The following LRP1B variants were observed in gnomAD, a reference collection of about 807,000 sequenced individuals.
LRP1B encodes low-density lipoprotein receptor-related protein 1B.
A neutral mutation model predicts 556.6 loss-of-function variants in LRP1B; 217 were observed. That is an observed-to-expected ratio of 0.39 (90% confidence interval 0.35 to 0.44). LRP1B has a LOEUF of 0.44. Ranked by LOEUF, LRP1B falls within the 20% of genes least tolerant of loss-of-function variation. The pLI is 1.00. For missense variants in LRP1B, 5,053 were observed against 5,620.8 expected, an observed-to-expected ratio of 0.90 and a Z score of 3.23; for synonymous variants, 2,047 against 1,865.8, an observed-to-expected ratio of 1.10 and a Z score of -2.50.
intron 3 of LRP1B, among the ~76,000 whole-genome samples, chr2:141,473,338 G>T (rs1254002131): frequency 6.6e-6 from 1 of 152,138 alleles, no homozygotes. Context: ...CTAATTTCAT[G>T]TAGGTGTCAT....
intron 80 of LRP1B, among the ~76,000 whole-genome samples, chr2:140,325,273 A>G (rs1465147290): frequency 6.6e-6 from 1 of 152,114 alleles, no homozygotes; most frequent in African/African-American, 2.4e-5. Context: ...GAGGAGCACA[A>G]GTAGATTAAG....
chr2:141,145,393 T>A (rs1051169337), intron 7 of LRP1B, among the ~76,000 whole-genome samples: 1 of 126,020 alleles, frequency 7.9e-6, no homozygotes, highest in African/African-American at 3.7e-5. Context: ...TATATTTCAT[T>A]CGTATAGATT....
chr2:140,727,046 G>A (rs2105488094), intron 35 of LRP1B, among the ~76,000 whole-genome samples: 1 of 151,944 alleles, frequency 6.6e-6, no homozygotes, highest in East Asian at 1.9e-4. Context: ...TTAAAATCTT[G>A]GCTGCTACAT....
chr2:141,270,457 G>A (rs1199447651), intron 3 of LRP1B, among the ~76,000 whole-genome samples: 1 of 151,918 alleles, frequency 6.6e-6, no homozygotes, highest in African/African-American at 2.4e-5. Flanking sequence ...TTCAAACTAT[G>A]GTCTCAAAGA....
chr2:140,685,186 G>A (rs917842819), intron 41 of LRP1B, among the ~76,000 whole-genome samples: 1 of 152,114 alleles, frequency 6.6e-6, no homozygotes, highest in African/African-American at 2.4e-5. Context: ...AAGAAAGCAA[G>A]TACACCTGTT....
chr2:140,877,054 TTTTTTCC>T (rs1324290887), intron 25 of LRP1B, among the ~76,000 whole-genome samples: 5 of 152,166 alleles, frequency 3.3e-5, no homozygotes, highest in African/African-American at 4.8e-5. Flanking sequence ...TGCTTTCATT[TTTTTTCC>T]TTTTTCCTTT....
At chr2:140,257,375 T>G (rs996926595) in intron 86 of LRP1B, among the ~76,000 whole-genome samples, 1 of 152,206 alleles carries the variant, frequency 6.6e-6, no homozygotes, top group African/African-American at 2.4e-5. Flanking sequence ...ATTTGGTTAT[T>G]CTTACCTAGT....
At chr2:141,341,118 T>C (rs1688039868) in intron 3 of LRP1B, among the ~76,000 whole-genome samples, 1 of 152,210 alleles carries the variant, frequency 6.6e-6, no homozygotes, top group South Asian at 2.1e-4. Flanking sequence ...GCTGTCACTA[T>C]GCATTAAGTA....
At chr2:140,814,724 C>T (rs1437783788) in intron 31 of LRP1B, among the ~76,000 whole-genome samples, 2 of 152,100 alleles carry the variant, frequency 1.3e-5, no homozygotes, top group Admixed American at 1.3e-4. Flanking sequence ...AAATTGAGCT[C>T]ATTTGGTGGT....
chr2:140,482,166 C>T (rs1181631632), intron 59 of LRP1B, among the ~76,000 whole-genome samples: 1 of 123,278 alleles, frequency 8.1e-6, no homozygotes, highest in Non-Finnish European at 1.9e-5. Flanking sequence ...TAGAGTGTAA[C>T]ATACTTGAAG....
intron 1 of LRP1B, among the ~76,000 whole-genome samples, chr2:142,016,791 C>T (rs909829275): frequency 6.6e-6 from 1 of 150,406 alleles, no homozygotes; most frequent in Non-Finnish European, 1.5e-5. Context: ...CAAACCTGCA[C>T]GTTCTGCACA....
chr2:141,034,965 C>CTGGTTT (rs1698488084), intron 11 of LRP1B, among the ~76,000 whole-genome samples: 1 of 151,842 alleles, frequency 6.6e-6, no homozygotes, highest in Admixed American at 6.6e-5. Context: ...CCCAAATGTC[C>CTGGTTT]AACAATGATA....
At chr2:142,127,607 A>C (rs1707701243) in intron 1 of LRP1B, among the ~76,000 whole-genome samples, 1 of 152,026 alleles carries the variant, frequency 6.6e-6, no homozygotes, top group Non-Finnish European at 1.5e-5. Context: ...AAAGATTAGC[A>C]ACCTCTTCAA....
chr2:140,762,529 T>C lies in LRP1B; in HGVS notation c.5758+6684A>G, dbSNP rs965377906. On this transcript the variant is annotated intron_variant, in intron 35 of 90. Transcript: ENST00000389484. Reference sequence around the variant, plus strand: ...ACCCCTCAGTTTTCTAATCCTCTTATGGGTGTTTAATTCCATTTCTAGGCT... The same window carrying C: ...ACCCCTCAGTTTTCTAATCCTCTTACGGGTGTTTAATTCCATTTCTAGGCT... Among the ~76,000 whole-genome samples the C allele has an allele frequency of 3.9e-5, 6 of 152,296 alleles. No individual in the cohort carries two copies. The East Asian group carries it at 7.7e-4, about 20-fold the overall frequency.
At chr2:140,726,035 G>C (rs148643367) in intron 35 of LRP1B, among the ~76,000 whole-genome samples, 1 of 152,248 alleles carries the variant, frequency 6.6e-6, no homozygotes, top group African/African-American at 2.4e-5. Flanking sequence ...ACTTAGTCAC[G>C]AGTAGGGTGC....
intron 7 of LRP1B, among the ~76,000 whole-genome samples, chr2:141,125,844 C>CAAAAAAAAAAAAAA (rs386391362): frequency 1.4e-4 from 14 of 102,194 alleles, no homozygotes; most frequent in African/African-American, 4.4e-4. Flanking sequence ...CTTTCAAATG[C>CAAAAAAAAAAAAAA]AAAAAAAAAA....
intron 1 of LRP1B, among the ~76,000 whole-genome samples, chr2:141,942,572 C>A (rs1248536855): frequency 6.6e-6 from 1 of 152,072 alleles, no homozygotes; most frequent in Admixed American, 6.6e-5. Flanking sequence ...TTTCTTTTAC[C>A]CTGCCACCTT....
intron 3 of LRP1B, among the ~76,000 whole-genome samples, chr2:141,400,220 C>T (rs1378635524): frequency 6.6e-6 from 1 of 152,122 alleles, no homozygotes; most frequent in Non-Finnish European, 1.5e-5. Context: ...CTGAAGCAAT[C>T]CTTCTGCCTC....
chr2:140,412,852 T>C (rs1207542917), intron 66 of LRP1B, among the ~76,000 whole-genome samples: 1 of 152,116 alleles, frequency 6.6e-6, no homozygotes, highest in African/African-American at 2.4e-5. Flanking sequence ...CTTGCCATTT[T>C]AGGTTGTGTC....
Sources: gnomAD v4.1 joint callset for allele counts (sites outside exome capture counted in the v4.1 genomes callset) on GRCh38, gnomAD v4.1.1 for gene constraint, MANE v1.5 for transcripts, NCBI Gene and HGNC (gene_info 2026-07-23, HGNC 2026-07-21) for gene names.